Variants in FOXP2 observed in about 807,000 individuals in gnomAD.
The protein encoded by FOXP2 is forkhead box P2, also known as forkhead box protein P2.
A neutral mutation model predicts 115.8 loss-of-function variants in FOXP2; 12 were observed. The ratio of observed to expected loss-of-function variants is 0.10; its 90% CI spans 0.07 to 0.17. FOXP2 has a LOEUF of 0.17. Ranked by LOEUF, FOXP2 falls within the 10% of genes least tolerant of loss-of-function variation. FOXP2 has a pLI of 1.00. For missense variants in FOXP2, 629 were observed against 843.5 expected, an observed-to-expected ratio of 0.75 and a Z score of 3.15; for synonymous variants, 328 against 297.7, an observed-to-expected ratio of 1.10 and a Z score of -1.05.
chr7:114,544,294 A>G (rs550514229), intron 3 of FOXP2, among the ~76,000 whole-genome samples: 1 of 152,262 alleles, frequency 6.6e-6, no homozygotes, highest in East Asian at 1.9e-4. Context: ...TGAACTAAGG[A>G]TTTTATGCGC....
chr7:114,656,100 G>A (rs958793699), intron 10 of FOXP2, among the ~76,000 whole-genome samples: 1 of 152,112 alleles, frequency 6.6e-6, no homozygotes, highest in Non-Finnish European at 1.5e-5. Context: ...ATAAGTTACC[G>A]TAACATTGTA....
chr7:114,658,994 T>C (rs1585002606), intron 11 of FOXP2, among the ~76,000 whole-genome samples: 2 of 152,274 alleles, frequency 1.3e-5, no homozygotes, highest in East Asian at 3.9e-4. Context: ...GAGGTGAGCC[T>C]GTTGTACTTT....
chr7:114,181,707 A>G (rs915302572), intron 1 of FOXP2, among the ~76,000 whole-genome samples: 1 of 152,098 alleles, frequency 6.6e-6, no homozygotes. Flanking sequence ...TGATACAGTC[A>G]TTGTTTAATA....
At chr7:114,532,341 A>T (rs898058657) in intron 2 of FOXP2, among the ~76,000 whole-genome samples, 1 of 151,964 alleles carries the variant, frequency 6.6e-6, no homozygotes, top group Non-Finnish European at 1.5e-5. Context: ...TTTCCCATGT[A>T]AAGTCTGAAA....
At chr7:114,509,189 A>G (rs1029505303) in intron 2 of FOXP2, among the ~76,000 whole-genome samples, 1 of 152,144 alleles carries the variant, frequency 6.6e-6, no homozygotes, top group Admixed American at 6.6e-5. Flanking sequence ...GTTTATGTAC[A>G]GATTATATTC....
At chr7:114,151,557 T>TTG (rs199750327) in intron 1 of FOXP2, among the ~76,000 whole-genome samples, 93 of 152,028 alleles carry the variant, frequency 6.1e-4, no homozygotes, top group African/African-American at 2.1e-3. Context: ...GAGAGAGAAT[T>TTG]TGTGTGTGTG....
At chr7:114,273,908 G>T (rs999327741) in intron 1 of FOXP2, among the ~76,000 whole-genome samples, 2 of 151,962 alleles carry the variant, frequency 1.3e-5, no homozygotes, top group Non-Finnish European at 2.9e-5. Flanking sequence ...CTCTGTCTTA[G>T]TTGGTGCATT....
intron 2 of FOXP2, among the ~76,000 whole-genome samples, chr7:114,467,973 C>G (rs116142367): frequency 0.012 from 1,817 of 152,196 alleles, 34 homozygotes; most frequent in African/African-American, 0.041. Context: ...TACTCGTCCC[C>G]AAAGGCATTG....
rs753075964 is a variant in FOXP2, at chr7:114,691,524, G to A, written c.*1598G>A. 9 of 453,932 alleles carry A rather than the reference G, an allele frequency of 2.0e-5. No individual in the cohort carries two copies. Among genetic ancestry groups the A allele is most frequent in the South Asian group, 1.1e-4 (7 of 64,456 alleles). 28.1% of individuals were successfully genotyped at this position (453,932 alleles called of 1,614,324 possible). The stretch of plus-strand genomic sequence containing the variant: ...AAATTGTTGGAATGCTGGTTTTCTT[G>A]ACAATTCCAAACCCCAAAACTATGA... On this transcript the variant is annotated 3_prime_UTR_variant, in exon 17 of 17. Coordinates refer to ENST00000350908, the MANE Select transcript of FOXP2 (RefSeq NM_014491.4).
At chr7:114,302,738 C>T (rs1426534220) in intron 2 of FOXP2, among the ~76,000 whole-genome samples, 1 of 152,110 alleles carries the variant, frequency 6.6e-6, no homozygotes. Flanking sequence ...ATATATGAGA[C>T]TCCATCTTAG....
intron 1 of FOXP2, among the ~76,000 whole-genome samples, chr7:114,116,827 C>G (rs1791420310): frequency 6.6e-6 from 1 of 151,958 alleles, no homozygotes. Flanking sequence ...CTCCTGAAGC[C>G]CTGGGCCTTC....
chr7:114,600,317 T>C (rs1802953157), intron 3 of FOXP2, among the ~76,000 whole-genome samples: 1 of 152,224 alleles, frequency 6.6e-6, no homozygotes, highest in Non-Finnish European at 1.5e-5. Context: ...GCAATGTGCA[T>C]TTAAGGTTCC....
intron 2 of FOXP2, among the ~76,000 whole-genome samples, chr7:114,332,886 A>G (rs1797746811): frequency 6.6e-6 from 1 of 152,208 alleles, no homozygotes; most frequent in African/African-American, 2.4e-5. Flanking sequence ...AACATGCTAC[A>G]TTATTGAAAA....
chr7:114,192,880 T>A (rs1030072624), intron 1 of FOXP2, among the ~76,000 whole-genome samples: 1 of 152,282 alleles, frequency 6.6e-6, no homozygotes, highest in Middle Eastern at 3.4e-3. Context: ...GAAATAAAAA[T>A]ACATAAATGA....
chr7:114,564,839 C>G (rs1800926415), intron 3 of FOXP2, among the ~76,000 whole-genome samples: 1 of 150,258 alleles, frequency 6.7e-6, no homozygotes, highest in African/African-American at 2.5e-5. Flanking sequence ...CAAGATTGCT[C>G]CACTGCACTC....
At chr7:114,672,041 A>T (rs1324330782) in intron 16 of FOXP2, among the ~76,000 whole-genome samples, 1 of 152,188 alleles carries the variant, frequency 6.6e-6, no homozygotes, top group African/African-American at 2.4e-5. Flanking sequence ...TATAAGCAAC[A>T]GATGATCAAA....
At chr7:114,520,468 A>T (rs539262797) in intron 2 of FOXP2, among the ~76,000 whole-genome samples, 1 of 152,268 alleles carries the variant, frequency 6.6e-6, no homozygotes, top group South Asian at 2.1e-4. Context: ...AGAGTAGGGA[A>T]CATTGCCTCT....
chr7:114,652,054 G>A, intron 8 of FOXP2, 149 bp from the exon 9 acceptor site: 1 of 720,658 alleles, frequency 1.4e-6, no homozygotes, highest in South Asian at 1.5e-5. Flanking sequence ...CACGTAAGCA[G>A]CTTTAACTTT....
chr7:114,683,062 A>G (rs1179361227), intron 16 of FOXP2, among the ~76,000 whole-genome samples: 2 of 152,200 alleles, frequency 1.3e-5, no homozygotes, highest in African/African-American at 2.4e-5. Flanking sequence ...TTAGCAGCCT[A>G]ACATTGTAGC....
Sources: allele counts gnomAD v4.1 joint callset (sites outside exome capture counted in the v4.1 genomes callset), GRCh38; gene constraint gnomAD v4.1.1; transcripts MANE v1.5; gene names NCBI Gene and HGNC (gene_info 2026-07-23, HGNC 2026-07-21).